EXTL3: variants seen among roughly 807,000 people sequenced by gnomAD.
EXTL3 encodes exostosin-like 3.
In EXTL3, 27 loss-of-function variants were observed where a neutral mutation model predicts 69.3. The observed-to-expected ratio is 0.39, with a 90% CI of 0.29 to 0.54. The LOEUF is 0.54. Among genes scored for constraint, EXTL3 ranks in the 20% least tolerant of loss-of-function variants. EXTL3 has a pLI of 0.69. For missense variants in EXTL3, 1,003 were observed against 1,231.8 expected, an observed-to-expected ratio of 0.81 and a Z score of 2.78; for synonymous variants, 511 against 499.4, an observed-to-expected ratio of 1.02 and a Z score of -0.31.
intron 5 of EXTL3, among the ~76,000 whole-genome samples, chr8:28,738,466 C>T (rs1020094309): frequency 2.6e-5 from 4 of 152,174 alleles, no homozygotes; most frequent in Admixed American, 1.3e-4. Context: ...TTTTTACTGT[C>T]TCTTTTTACT....
At chr8:28,615,421 T>C (rs755288262) in intron 2 of EXTL3, among the ~76,000 whole-genome samples, 1 of 152,236 alleles carries the variant, frequency 6.6e-6, no homozygotes, top group Non-Finnish European at 1.5e-5. Context: ...TCATCTATTT[T>C]GATGCTGTTG....
intron 1 of EXTL3, among the ~76,000 whole-genome samples, chr8:28,682,405 A>G (rs578036224): frequency 2.6e-5 from 4 of 152,114 alleles, no homozygotes; most frequent in African/African-American, 7.2e-5. Context: ...TTGTCTCTTC[A>G]CTGTTGATTG....
chr8:28,635,140 T>C (rs1806632433), intron 1 of EXTL3, among the ~76,000 whole-genome samples: 1 of 152,074 alleles, frequency 6.6e-6, no homozygotes, highest in African/African-American at 2.4e-5. Flanking sequence ...AAAGATGATG[T>C]TGATGAATGG....
rs1441699218 is a variant in EXTL3 at position 28,750,107 on chromosome 8, C to G, written c.2551-550C>G. Among the ~76,000 whole-genome samples the G allele has an allele frequency of 6.6e-6, 1 of 152,188 alleles. No individual in the cohort carries two copies. Among genetic ancestry groups the G allele is most frequent in the East Asian group, 1.9e-4 (1 of 5,200 alleles). ...CTGCCACATTGTAATGAAGCTGTCC[C>G]TCTTCATACTTTTTTAGTTAGACAT... On this transcript the variant is annotated intron_variant, in intron 6 of 6. Transcript: ENST00000220562. The surrounding 1 kb of genome is among the most constrained non-coding windows in gnomAD (Gnocchi z 5.2).
In EXTL3 at chr8:28,623,682, GAT is replaced by G. The variant is rs1585218565; in HGVS notation, c.-53+875_-53+876del. 6.6e-6 allele frequency among the ~76,000 whole-genome samples: 1 copy of G among 152,104 alleles called. No homozygotes were observed. Among genetic ancestry groups the G allele is most frequent in the African/African-American group, 2.4e-5 (1 of 41,414 alleles). On this transcript the variant is annotated intron_variant, in intron 1 of 6. Coordinates refer to the EXTL3 transcript ENST00000523149. The surrounding 1 kb of genome is among the most constrained non-coding windows in gnomAD (Gnocchi z 4.2). Reference sequence around the variant, plus strand: ...ATGTAACATAATTCATGTTTTTAAAGATATGTTTTTATTTAAAACCTTCCCCC... The same window carrying G: ...ATGTAACATAATTCATGTTTTTAAAGATGTTTTTATTTAAAACCTTCCCCC...
intron 3 of EXTL3, among the ~76,000 whole-genome samples, chr8:28,728,218 C>A (rs1801454038): frequency 6.6e-6 from 1 of 152,224 alleles, no homozygotes; most frequent in Non-Finnish European, 1.5e-5. Flanking sequence ...ATGTGTCTTA[C>A]AATGGATGGC....
intron 1 of EXTL3, among the ~76,000 whole-genome samples, chr8:28,635,142 G>A (rs976276580): frequency 2.6e-5 from 4 of 152,064 alleles, no homozygotes; most frequent in Non-Finnish European, 5.9e-5. Context: ...AGATGATGTT[G>A]ATGAATGGAA....
intron 2 of EXTL3, among the ~76,000 whole-genome samples, chr8:28,714,048 A>G (rs932538373): frequency 6.6e-6 from 1 of 151,602 alleles, no homozygotes; most frequent in African/African-American, 2.4e-5. Context: ...CTGGGATTAC[A>G]GTTGCGTGCC....
chr8:28,670,224 G>C (rs1349799455), intron 1 of EXTL3, among the ~76,000 whole-genome samples: 2 of 27,446 alleles, frequency 7.3e-5, no homozygotes, highest in African/African-American at 1.3e-4. Context: ...AAAAAAGGTT[G>C]GGGGGAGATG....
chr8:28,701,603 G>A lies in EXTL3; in HGVS notation c.-626G>A. 6.2e-6 allele frequency: 1 copy of A among 162,374 alleles called. No individual in the cohort carries two copies. The highest frequency in any genetic ancestry group is 1.3e-5 in the Non-Finnish European group (1 of 76,056). The allele number at this position is 162,374 out of a possible 1,614,324, so 10.1% of individuals were successfully genotyped here. The stretch of plus-strand genomic sequence containing the variant: ...CGGCAGCCAGAACGGCTTCTGGGAC[G>A]CCGACTTTCGCGCAGGCGGCGGCGG... On this transcript the variant is annotated 5_prime_UTR_variant, in exon 1 of 7. Transcript: ENST00000220562.
chr8:28,729,803 G>A lies in EXTL3; in HGVS notation c.2149-1420G>A, dbSNP rs546830665. On this transcript the variant is annotated intron_variant, in intron 3 of 6. Transcript: ENST00000220562. ...TCTCTTGAGCTCAGGAGTTCGAGAC[G>A]CCTGGGGGGAACATAGTGATGAGAC... Among the ~76,000 whole-genome samples the A allele has an allele frequency of 7.3e-5, 11 of 151,336 alleles. No individual in the cohort carries two copies. The South Asian group carries it at 8.4e-4, about 12-fold the overall frequency.
chr8:28,670,793 C>G (rs1487192714), intron 1 of EXTL3, among the ~76,000 whole-genome samples: 1 of 152,124 alleles, frequency 6.6e-6, no homozygotes, highest in Non-Finnish European at 1.5e-5. Context: ...ACGTCTGACC[C>G]AATGTTTGGA....
At position 28,726,120 on chromosome 8, in the gene EXTL3, T is replaced by A. The variant is rs1182033893; in HGVS notation, c.2149-5103T>A. On this transcript the variant is annotated intron_variant, in intron 3 of 6. Transcript: ENST00000220562. ...ACAGGCGCACACCACCACGCCCGGC[T>A]AATTTTTGTATTTTTAGTAAAAACT... is the stretch of plus-strand genomic sequence containing the variant. Among the ~76,000 whole-genome samples, 3 of 152,090 alleles carry A rather than the reference T, an allele frequency of 2.0e-5. No individual in the cohort carries two copies. The East Asian group carries it at 5.8e-4, about 29-fold the overall frequency.
At chr8:28,625,959 G>A (rs1400737849) in intron 1 of EXTL3, among the ~76,000 whole-genome samples, 2 of 123,754 alleles carry the variant, frequency 1.6e-5, no homozygotes, top group Non-Finnish European at 3.2e-5. Flanking sequence ...CCAGGAGTTT[G>A]AGACCAGCTT....
At chr8:28,720,760 CAG>C (rs1801277017) in intron 3 of EXTL3, among the ~76,000 whole-genome samples, 3 of 152,278 alleles carry the variant, frequency 2.0e-5, no homozygotes, top group African/African-American at 7.2e-5. Context: ...GACTACCAAA[CAG>C]AGGGGCGATG....
intron 6 of EXTL3, among the ~76,000 whole-genome samples, chr8:28,748,852 T>C (rs1801944952): frequency 6.6e-6 from 1 of 152,104 alleles, no homozygotes. Flanking sequence ...CTCAAGTCTG[T>C]AATCCCAACA....
chr8:28,691,821 C>A (rs1427335642), intron 1 of EXTL3, among the ~76,000 whole-genome samples: 1 of 151,460 alleles, frequency 6.6e-6, no homozygotes, highest in African/African-American at 2.4e-5. Context: ...CACTTGAACC[C>A]GGGAGGCAGA....
At chr8:28,656,663 T>C (rs2130613350) in intron 1 of EXTL3, among the ~76,000 whole-genome samples, 1 of 152,306 alleles carries the variant, frequency 6.6e-6, no homozygotes, top group Non-Finnish European at 1.5e-5. Context: ...TTTCAAGTAT[T>C]CAGGGGCTTG....
intron 1 of EXTL3, among the ~76,000 whole-genome samples, chr8:28,657,149 G>A (rs576075717): frequency 3.9e-5 from 6 of 152,030 alleles, no homozygotes; most frequent in Admixed American, 3.3e-4. Context: ...CGCCATGTTG[G>A]CCAGGCTGCT....
Sources: allele counts gnomAD v4.1 joint callset (sites outside exome capture counted in the v4.1 genomes callset), GRCh38; gene constraint gnomAD v4.1.1; non-coding constraint Gnocchi (gnomAD v3.1); transcripts MANE v1.5; gene names NCBI Gene and HGNC (gene_info 2026-07-23, HGNC 2026-07-21).